The following RUNX1 variants were observed in gnomAD, a reference collection of about 807,000 sequenced individuals.
RUNX1 encodes RUNX family transcription factor 1.
RUNX1 carries 19 observed loss-of-function variants against 42.8 expected under a neutral mutation model. The observed-to-expected ratio is 0.44, with a 90% CI of 0.31 to 0.65. The LOEUF is 0.65. Among genes scored for constraint, RUNX1 ranks in the 30% least tolerant of loss-of-function variants. The pLI is 0.07. For synonymous variants in RUNX1, 271 were observed against 289.4 expected, an observed-to-expected ratio of 0.94 and a Z score of 0.64; for missense variants, 528 against 672.0, an observed-to-expected ratio of 0.79 and a Z score of 2.37.
intron 7 of RUNX1, among the ~76,000 whole-genome samples, chr21:34,822,393 C>T (rs533325749): frequency 2.6e-5 from 4 of 152,332 alleles, no homozygotes; most frequent in African/African-American, 9.6e-5. Context: ...CTTCAGTAAA[C>T]ATGTGAACCA....
At chr21:34,808,787 T>A (rs1307917744) in intron 7 of RUNX1, among the ~76,000 whole-genome samples, 1 of 152,096 alleles carries the variant, frequency 6.6e-6, no homozygotes, top group African/African-American at 2.4e-5. Context: ...CTGAGACACG[T>A]CTGGGAAAGG....
Position 34,918,242 on chromosome 21 carries a change from T to C in RUNX1, c.59-25279A>G, listed in dbSNP as rs2058327316. ...CAATAATCCAAGCACCCCAATCCCT[T>C]GGGGGTGCTCATGAGATGAGAGATG... On this transcript the variant is annotated intron_variant, in intron 2 of 8. Coordinates refer to ENST00000675419, the MANE Select transcript of RUNX1 (RefSeq NM_001754.5). Among the ~76,000 whole-genome samples the C allele has an allele frequency of 2.0e-5, 3 of 151,824 alleles. No individual in the cohort carries two copies. The South Asian group carries it at 6.2e-4, about 32-fold the overall frequency.
chr21:34,988,527 T>TG (rs1453225982), intron 2 of RUNX1, among the ~76,000 whole-genome samples: 1 of 152,130 alleles, frequency 6.6e-6, no homozygotes, highest in Non-Finnish European at 1.5e-5. Flanking sequence ...GGCACTCGCC[T>TG]CGGCTCCTGT....
chr21:34,887,151 C>T, intron 3 of RUNX1, 55 bp from the exon 4 acceptor site: 2 of 1,596,702 alleles, frequency 1.3e-6, no homozygotes, highest in Non-Finnish European at 1.7e-6. Context: ...GCAAACAGCT[C>T]CTACCAGACG....
rs902401401 is a variant in RUNX1 at position 34,789,934 on chromosome 21, A to G, written c.*2201T>C. ...AGGTCAGACATGGTAACATGTGCTG[A>G]AAAAAAACATTTACGTTTAATTTGG... On this transcript the variant is annotated 3_prime_UTR_variant, in exon 9 of 9. Coordinates refer to ENST00000675419, the MANE Select transcript of RUNX1 (RefSeq NM_001754.5). 1.2e-4 allele frequency: 27 copies of G among 228,364 alleles called. No homozygotes were observed. The South Asian group carries it at 3.3e-3, about 28-fold the overall frequency. The allele number at this position is 228,364 out of a possible 1,614,324, so 14.1% of individuals were successfully genotyped here. A position where few individuals can be genotyped will look rare whatever the true frequency, so the allele number is the denominator to read the frequency against.
intron 2 of RUNX1, among the ~76,000 whole-genome samples, chr21:34,903,240 GATTA>G (rs1484807059): frequency 2.0e-5 from 3 of 151,984 alleles, no homozygotes; most frequent in Non-Finnish European, 4.4e-5. Context: ...TCAGCTCTTT[GATTA>G]ATTCTGTTTA....
intron 2 of RUNX1, among the ~76,000 whole-genome samples, chr21:35,045,813 T>C (rs1363759907): frequency 6.6e-6 from 1 of 152,130 alleles, no homozygotes; most frequent in Non-Finnish European, 1.5e-5. Context: ...GCTTTGTACT[T>C]GGCAATTCCC....
chr21:34,989,109 A>G (rs1421198792), intron 2 of RUNX1, among the ~76,000 whole-genome samples: 1 of 151,670 alleles, frequency 6.6e-6, no homozygotes, highest in African/African-American at 2.4e-5. Flanking sequence ...TCCACGTTCA[A>G]GCGATTCTCC....
intron 2 of RUNX1, among the ~76,000 whole-genome samples, chr21:35,010,454 G>A (rs1005812785): frequency 1.3e-5 from 2 of 152,126 alleles, no homozygotes; most frequent in Admixed American, 6.5e-5. Context: ...ATTAAGACAT[G>A]TCCTTTGTTG....
intron 2 of RUNX1, among the ~76,000 whole-genome samples, chr21:34,908,598 T>C (rs1218089751): frequency 6.6e-6 from 1 of 152,090 alleles, no homozygotes; most frequent in African/African-American, 2.4e-5. Context: ...GGAGGTGCAA[T>C]CTCCATTCTT....
chr21:34,895,093 A>G (rs951490166), intron 2 of RUNX1, among the ~76,000 whole-genome samples: 1 of 152,114 alleles, frequency 6.6e-6, no homozygotes, highest in Admixed American at 6.6e-5. Flanking sequence ...AATATCTTGG[A>G]AATTCTTCAC....
At chr21:34,967,319 C>CAAAAAAAACAAAAAAA (rs2058727288) in intron 2 of RUNX1, among the ~76,000 whole-genome samples, 1 of 15,630 alleles carries the variant, frequency 6.4e-5, no homozygotes, top group Non-Finnish European at 1.2e-4. Context: ...GACTCGGTCT[C>CAAAAAAAACAAAAAAA]AAAAAAAAAA....
intron 2 of RUNX1, among the ~76,000 whole-genome samples, chr21:35,007,948 T>G (rs2059097445): frequency 6.6e-6 from 1 of 152,162 alleles, no homozygotes; most frequent in Non-Finnish European, 1.5e-5. Context: ...AGCCCCATTT[T>G]ATGGATCCAG....
At chr21:34,941,484 G>A (rs915891864) in intron 2 of RUNX1, among the ~76,000 whole-genome samples, 1 of 151,824 alleles carries the variant, frequency 6.6e-6, no homozygotes, top group Non-Finnish European at 1.5e-5. Context: ...AGAGAGCCTG[G>A]CTGTGAGACA....
chr21:34,893,987 C>CAAA (rs367907659), intron 2 of RUNX1, among the ~76,000 whole-genome samples: 1 of 146,668 alleles, frequency 6.8e-6, no homozygotes, highest in East Asian at 2.0e-4. Context: ...AAGGAGCATC[C>CAAA]AAAAAAAAAC....
intron 2 of RUNX1, among the ~76,000 whole-genome samples, chr21:35,017,095 GATTTAGGA>G (rs1328018925): frequency 2.0e-5 from 3 of 152,242 alleles, no homozygotes; most frequent in African/African-American, 7.2e-5. Context: ...GCTCACTTGT[GATTTAGGA>G]GGTATGAAGT....
intron 2 of RUNX1, chr21:35,038,306 C>T (rs2059325234): frequency 9.4e-6 from 3 of 320,818 alleles, no homozygotes; most frequent in Admixed American, 8.5e-5. Context: ...TTCCTCCTGG[C>T]CTCCCTATCA....
chr21:34,946,577 A>T (rs971403977), intron 2 of RUNX1, among the ~76,000 whole-genome samples: 2 of 152,098 alleles, frequency 1.3e-5, no homozygotes, highest in Non-Finnish European at 2.9e-5. Flanking sequence ...GTGCTATATA[A>T]AAAAAAAGAC....
chr21:34,891,133 T>C (rs902670833), intron 3 of RUNX1, among the ~76,000 whole-genome samples: 1 of 152,202 alleles, frequency 6.6e-6, no homozygotes, highest in Non-Finnish European at 1.5e-5. Context: ...CGAGTCGGAC[T>C]CGGGCTGCGG....
Sources: gnomAD v4.1 joint callset for allele counts (sites outside exome capture counted in the v4.1 genomes callset) on GRCh38, gnomAD v4.1.1 for gene constraint, MANE v1.5 for transcripts, NCBI Gene and HGNC (gene_info 2026-07-23, HGNC 2026-07-21) for gene names.